SEC14L1: variants seen among roughly 807,000 people sequenced by gnomAD.
The protein encoded by SEC14L1 is SEC14 like lipid binding 1, also known as SEC14-like protein 1.
SEC14L1 carries 48 observed loss-of-function variants against 85.3 expected under a neutral mutation model. That is an observed-to-expected ratio of 0.56 (90% CI 0.45 to 0.72). The LOEUF (loss-of-function observed/expected upper bound fraction) is 0.72, where lower values mean the gene tolerates loss of function less well. Ranked by LOEUF, SEC14L1 falls within the 30% of genes least tolerant of loss-of-function variation. The pLI, the probability that SEC14L1 is intolerant of heterozygous loss-of-function variation, is 0.00. For missense variants in SEC14L1, 682 were observed against 921.4 expected (o/e 0.74, Z 3.36); for synonymous variants, 391 against 355.5 (o/e 1.10, Z -1.12).
At chr17:77,114,815 A>C (rs1972131544) in intron 3 of SEC14L1, among the ~76,000 whole-genome samples, 1 of 138,946 alleles carries the variant, frequency 7.2e-6, no homozygotes, top group Non-Finnish European at 1.5e-5. Flanking sequence ...AGCCTGGGCG[A>C]CAAGAGCAAA....
intron 3 of SEC14L1, among the ~76,000 whole-genome samples, chr17:77,159,846 G>A (rs906760827): frequency 2.0e-5 from 3 of 151,426 alleles, no homozygotes; most frequent in Admixed American, 1.3e-4. Flanking sequence ...AAAAGCTGGT[G>A]TGGAATGATG....
Position 77,216,754 on chromosome 17 carries a change from G to A in SEC14L1, c.*2731G>A, listed in dbSNP as rs1417997505. 3.7e-5 allele frequency: 36 copies of A among 973,034 alleles called. No homozygotes were observed. Among genetic ancestry groups the A allele is most frequent in the Non-Finnish European group, 4.7e-5 (31 of 660,698 alleles). The allele number at this position is 973,034 out of a possible 1,614,324, so 60.3% of individuals were successfully genotyped here. A position where few individuals can be genotyped will look rare whatever the true frequency, so the allele number is the denominator to read the frequency against. ...CTTGAAGAGCTCAAAGCACATGACC[G>A]CACAAATGCTTACAGGGTTTCCTCC... On this transcript the variant is annotated 3_prime_UTR_variant, in exon 17 of 17. Transcript: ENST00000436233.
At chr17:77,096,929 G>A (rs773451578) in intron 3 of SEC14L1, among the ~76,000 whole-genome samples, 3 of 152,156 alleles carry the variant, frequency 2.0e-5, no homozygotes, top group Non-Finnish European at 4.4e-5. Flanking sequence ...GAATCTGTCC[G>A]GTTGTCCCAG....
At chr17:77,167,282 G>T (rs983937124) in intron 3 of SEC14L1, among the ~76,000 whole-genome samples, 1 of 151,650 alleles carries the variant, frequency 6.6e-6, no homozygotes, top group South Asian at 2.1e-4. Context: ...TTACAAGCAC[G>T]CAGTACTACA....
Position 77,214,334 on chromosome 17 carries a change from A to G in SEC14L1, c.*311A>G. 1.8e-6 allele frequency: 2 copies of G among 1,097,330 alleles called. No individual in the cohort carries two copies. The highest frequency in any genetic ancestry group is 2.2e-6 in the Non-Finnish European group (2 of 899,222). 68.0% of individuals were successfully genotyped at this position (1,097,330 alleles called of 1,614,324 possible). A position where few individuals can be genotyped will look rare whatever the true frequency, so the allele number is the denominator to read the frequency against. On this transcript the variant is annotated 3_prime_UTR_variant, in exon 17 of 17. Transcript: ENST00000436233. ...TTAAAGGATTGACGTGGTCTCAGAT[A>G]TTGATGCAAAAAATTTTTCCAACGA...
At chr17:77,167,521 T>C (rs1367411489) in intron 3 of SEC14L1, among the ~76,000 whole-genome samples, 1 of 152,200 alleles carries the variant, frequency 6.6e-6, no homozygotes, top group Non-Finnish European at 1.5e-5. Flanking sequence ...TCATGTTTAA[T>C]GGAGTTTATT....
intron 3 of SEC14L1, among the ~76,000 whole-genome samples, chr17:77,121,467 T>G (rs1247828447): frequency 6.6e-6 from 1 of 152,142 alleles, no homozygotes; most frequent in Non-Finnish European, 1.5e-5. Context: ...CAAGCGATTC[T>G]CCTGCCTCAG....
intron 5 of SEC14L1, among the ~76,000 whole-genome samples, chr17:77,192,056 A>G (rs1975569641): frequency 6.6e-6 from 1 of 152,144 alleles, no homozygotes; most frequent in African/African-American, 2.4e-5. Context: ...CGTCCTCCCA[A>G]AATGCTGGGA....
chr17:77,122,136 A>G (rs923807577), intron 3 of SEC14L1, among the ~76,000 whole-genome samples: 1 of 152,122 alleles, frequency 6.6e-6, no homozygotes, highest in African/African-American at 2.4e-5. Flanking sequence ...CAATTGTGCT[A>G]TTTGAATTTT....
chr17:77,156,997 G>A (rs188925788), intron 3 of SEC14L1, among the ~76,000 whole-genome samples: 2 of 152,240 alleles, frequency 1.3e-5, no homozygotes, highest in African/African-American at 2.4e-5. Context: ...CTTGACTCTG[G>A]TGGAATGGTA....
chr17:77,189,184 C>G (rs1007840554), intron 3 of SEC14L1, among the ~76,000 whole-genome samples: 2 of 152,128 alleles, frequency 1.3e-5, no homozygotes, highest in Non-Finnish European at 2.9e-5. Context: ...AATGAGTGTT[C>G]TCATGAGCTG....
intron 3 of SEC14L1, among the ~76,000 whole-genome samples, chr17:77,159,828 T>C (rs1400129863): frequency 6.6e-6 from 1 of 152,148 alleles, no homozygotes; most frequent in African/African-American, 2.4e-5. Context: ...AAAGAAAGAA[T>C]AGCATGTAAA....
chr17:77,207,553 G>C (rs904955898), intron 13 of SEC14L1, among the ~76,000 whole-genome samples: 6 of 152,206 alleles, frequency 3.9e-5, no homozygotes, highest in African/African-American at 4.8e-5. Context: ...CCAGATTCAA[G>C]CGATTCTTCA....
chr17:77,105,141 C>T (rs943454722), intron 3 of SEC14L1, among the ~76,000 whole-genome samples: 1 of 151,890 alleles, frequency 6.6e-6, no homozygotes, highest in Non-Finnish European at 1.5e-5. Context: ...AGCAGGGGGG[C>T]GACTTTGAAT....
intron 3 of SEC14L1, among the ~76,000 whole-genome samples, chr17:77,168,594 T>A (rs761111546): frequency 5.3e-5 from 8 of 152,236 alleles, no homozygotes; most frequent in Non-Finnish European, 1.2e-4. Context: ...TTGGCTAACT[T>A]ATCTGATATG....
At chr17:77,166,262 G>A (rs1027106925) in intron 3 of SEC14L1, among the ~76,000 whole-genome samples, 2 of 152,162 alleles carry the variant, frequency 1.3e-5, no homozygotes, top group African/African-American at 4.8e-5. Flanking sequence ...CTGTGTCAGG[G>A]CCTGCCAAAC....
At chr17:77,143,770 T>TA (rs1973157928) in intron 3 of SEC14L1, 111 bp downstream of exon 3, 1 of 760,880 alleles carries the variant, frequency 1.3e-6, no homozygotes, top group Non-Finnish European at 2.2e-6. Context: ...CACTTGAACT[T>TA]ACTCTGTTTT....
Position 77,213,191 on chromosome 17 carries a change from T to C in SEC14L1, c.1864-123T>C. ...GCAAAATAGCAGGTTCTGAATCCCA[T>C]TGAGATAGTTTCCGTAGCTACATGA... On this transcript the variant is annotated intron_variant, in intron 15 of 16. Coordinates refer to ENST00000436233, the MANE Select transcript of SEC14L1 (RefSeq NM_001143998.2). The surrounding 1 kb of genome is among the most constrained non-coding windows in gnomAD (Gnocchi z 7.1). 1.3e-6 allele frequency: 1 copy of C among 794,014 alleles called. No individual in the cohort carries two copies. Among genetic ancestry groups the C allele is most frequent in the Non-Finnish European group, 2.0e-6 (1 of 511,322 alleles). 49.2% of individuals were successfully genotyped at this position (794,014 alleles called of 1,614,324 possible).
chr17:77,185,340 C>A lies in SEC14L1; in HGVS notation c.64-5463C>A, dbSNP rs1598361486. 3.0e-6 allele frequency: 3 copies of A among 985,300 alleles called. No homozygotes were observed. In the East Asian group the frequency reaches 3.4e-4, roughly 112 times the overall value. 61.0% of individuals were successfully genotyped at this position (985,300 alleles called of 1,614,324 possible). ...AGTGCAGCTTCTGAGTTAGCTGCTC[C>A]TTAGCCTGGATACCTTAAATGCCAT... On this transcript the variant is annotated intron_variant, in intron 3 of 16. Coordinates refer to ENST00000436233, the MANE Select transcript of SEC14L1 (RefSeq NM_001143998.2).
Sources: allele counts gnomAD v4.1 joint callset (sites outside exome capture counted in the v4.1 genomes callset), GRCh38; gene constraint gnomAD v4.1.1; non-coding constraint Gnocchi (gnomAD v3.1); transcripts MANE v1.5; gene names NCBI Gene and HGNC (gene_info 2026-07-23, HGNC 2026-07-21).